ABCD2: variants seen among roughly 807,000 people sequenced by gnomAD.
ABCD2 encodes ATP binding cassette subfamily D member 2, also known as ATP-binding cassette sub-family D member 2.
Under a neutral mutation model 70.9 loss-of-function variants are expected in ABCD2, and 36 were observed. The observed-to-expected ratio is 0.51, with a 90% CI of 0.39 to 0.67. The LOEUF is 0.67. Ranked by LOEUF, ABCD2 falls within the 30% of genes least tolerant of loss-of-function variation. The pLI is 0.00. For missense variants in ABCD2, 729 were observed against 890.2 expected, an observed-to-expected ratio of 0.82 and a Z score of 2.30; for synonymous variants, 304 against 306.9, an observed-to-expected ratio of 0.99 and a Z score of 0.10.
intron 8 of ABCD2, among the ~76,000 whole-genome samples, chr12:39,574,273 T>G (rs1157089829): frequency 6.6e-6 from 1 of 152,146 alleles, no homozygotes; most frequent in Non-Finnish European, 1.5e-5. Flanking sequence ...GAAGATTATT[T>G]TATCAGCAAT....
At chr12:39,593,400 G>C (rs1941772433) in intron 6 of ABCD2, among the ~76,000 whole-genome samples, 1 of 152,080 alleles carries the variant, frequency 6.6e-6, no homozygotes, top group South Asian at 2.1e-4. Flanking sequence ...CTACAGGCAA[G>C]TACCACCATA....
intron 1 of ABCD2, 118 bp downstream of exon 1, chr12:39,618,559 G>T: frequency 1.2e-6 from 1 of 848,390 alleles, no homozygotes; most frequent in Non-Finnish European, 1.8e-6. Context: ...TTAGATGTCA[G>T]AGGAATCTAA....
In ABCD2 at chr12:39,604,898, C is replaced by T. The variant is rs755323825; in HGVS notation, c.1269G>A (p.Val423=). ...VTELAGYTAR[V]YNMFWVFDEV... is the part of the protein sequence containing the mutation. ...CATCAAAGACCCAAAACATATTGTA[C>T]ACTCGAGCAGTGTAGCCTGCTAATT... Residue 423 remains valine, a synonymous_variant, in exon 4 of 10, where the codon GTG becomes GTA. Coordinates refer to ENST00000308666, the MANE Select transcript of ABCD2 (RefSeq NM_005164.4). The T allele has an allele frequency of 2.5e-6, 4 of 1,610,862 alleles. No individual in the cohort carries two copies. The highest frequency in any genetic ancestry group is 1.3e-5 in the African/African-American group (1 of 74,776).
At chr12:39,534,774 G>GAAAGA in the ABCD2 span, among the ~76,000 whole-genome samples, 1 of 112,286 alleles carries the variant, frequency 8.9e-6, no homozygotes, top group Non-Finnish European at 1.8e-5. Flanking sequence ...AAGAAAGAAA[G>GAAAGA]AAAGAAAGAA....
intron 8 of ABCD2, 152 bp downstream of exon 8, chr12:39,579,383 C>A: frequency 1.8e-6 from 1 of 546,362 alleles, no homozygotes; most frequent in East Asian, 3.1e-5. Flanking sequence ...AACAAAAAAA[C>A]CAACTGTGAA....
chr12:39,562,619 A>C (rs1459697705), intron 9 of ABCD2, among the ~76,000 whole-genome samples: 1 of 152,154 alleles, frequency 6.6e-6, no homozygotes, highest in Non-Finnish European at 1.5e-5. Context: ...TACAACCTAC[A>C]AAGATTGAAC....
intron 6 of ABCD2, 80 bp from the exon 7 acceptor site, chr12:39,586,377 A>T: frequency 7.0e-7 from 1 of 1,420,832 alleles, no homozygotes; most frequent in East Asian, 2.3e-5. Flanking sequence ...TAGTCTGAAA[A>T]CATCAGTGAA....
chr12:39,572,608 A>G (rs181827949), intron 9 of ABCD2, among the ~76,000 whole-genome samples: 271 of 152,336 alleles, frequency 1.8e-3, no homozygotes, highest in African/African-American at 6.1e-3. Flanking sequence ...GCCTGATTGG[A>G]TGAATACTGT....
the ABCD2 span, among the ~76,000 whole-genome samples, chr12:39,538,720 C>T: frequency 3.3e-5 from 5 of 152,158 alleles, no homozygotes; most frequent in African/African-American, 1.2e-4. Flanking sequence ...CAGACCCAGT[C>T]CCAAGGCGCA....
chr12:39,604,951 TA>T, intron 3 of ABCD2, 21 bp from the exon 4 acceptor site: 2 of 1,536,586 alleles, frequency 1.3e-6, no homozygotes, highest in Non-Finnish European at 1.7e-6. Context: ...CACAGAGATA[TA>T]AAATAGAGTT....
intron 4 of ABCD2, 83 bp from the exon 5 acceptor site, chr12:39,604,089 G>T: frequency 1.1e-6 from 1 of 885,444 alleles, no homozygotes. Flanking sequence ...AGTATAACAG[G>T]TAATTTCAAT....
chr12:39,605,238 T>G (rs1487901053), intron 3 of ABCD2, among the ~76,000 whole-genome samples: 1 of 152,078 alleles, frequency 6.6e-6, no homozygotes, highest in Non-Finnish European at 1.5e-5. Context: ...TTCCAATAAA[T>G]TATAAATTTT....
At chr12:39,577,097 G>A (rs1435688534) in intron 8 of ABCD2, among the ~76,000 whole-genome samples, 1 of 151,936 alleles carries the variant, frequency 6.6e-6, no homozygotes, top group Admixed American at 6.6e-5. Context: ...TTTTAACAGT[G>A]TTTAAATGTT....
chr12:39,611,421 GT>G (rs1339568925), intron 2 of ABCD2, among the ~76,000 whole-genome samples: 1 of 152,048 alleles, frequency 6.6e-6, no homozygotes, highest in Non-Finnish European at 1.5e-5. Flanking sequence ...AAAATAAAAA[GT>G]AAGTTTATTC....
intron 7 of ABCD2, among the ~76,000 whole-genome samples, chr12:39,579,899 C>T (rs1382753430): frequency 2.0e-5 from 3 of 151,690 alleles, no homozygotes; most frequent in Admixed American, 6.6e-5. Flanking sequence ...TCAGTGTCTC[C>T]GGTGGGTTGA....
chr12:39,603,132 T>C (rs1362177782), intron 5 of ABCD2, among the ~76,000 whole-genome samples: 2 of 152,192 alleles, frequency 1.3e-5, no homozygotes, highest in African/African-American at 4.8e-5. Context: ...AATACATCTT[T>C]AATAATTAAA....
In ABCD2 at chr12:39,610,521, A is replaced by G. The variant is rs1001783930; in HGVS notation, c.1121-2807T>C. ...TACCAAAATAGTAAATTCTTATATC[A>G]GTTAAAATGCTAAGAATAGTTTTGG... On this transcript the variant is annotated intron_variant, in intron 2 of 9. Coordinates refer to ENST00000308666, the MANE Select transcript of ABCD2 (RefSeq NM_005164.4). 3.9e-5 allele frequency among the ~76,000 whole-genome samples: 6 copies of G among 152,350 alleles called. No individual in the cohort carries two copies. In the South Asian group the frequency reaches 1.0e-3, roughly 26 times the overall value.
intron 2 of ABCD2, among the ~76,000 whole-genome samples, chr12:39,614,813 A>G (rs1275617593): frequency 6.6e-6 from 1 of 152,118 alleles, no homozygotes; most frequent in East Asian, 1.9e-4. Flanking sequence ...TGCAAACATT[A>G]CAGGCACAGA....
intron 2 of ABCD2, among the ~76,000 whole-genome samples, chr12:39,611,862 C>A (rs1942049012): frequency 6.6e-6 from 1 of 151,750 alleles, no homozygotes; most frequent in Admixed American, 6.6e-5. Context: ...ACAAATGACT[C>A]ATTACATAAT....
Sources: allele counts gnomAD v4.1 joint callset (sites outside exome capture counted in the v4.1 genomes callset), GRCh38; gene constraint gnomAD v4.1.1; transcripts MANE v1.5; gene names NCBI Gene and HGNC (gene_info 2026-07-23, HGNC 2026-07-21).